Variants in LAMA2 observed in about 807,000 individuals in gnomAD.
LAMA2 encodes the protein laminin subunit alpha-2.
A neutral mutation model predicts 364.8 loss-of-function variants in LAMA2; 269 were observed. The observed-to-expected ratio is 0.74, with a 90% CI of 0.67 to 0.82. LAMA2 has a LOEUF of 0.82. Among genes scored for constraint, LAMA2 ranks in the 40% least tolerant of loss-of-function variants. The pLI is 0.00. For missense variants in LAMA2, 3,807 were observed against 3,873.2 expected, an observed-to-expected ratio of 0.98 and a Z score of 0.45; for synonymous variants, 1,379 against 1,370.6, an observed-to-expected ratio of 1.01 and a Z score of -0.14.
At chr6:129,439,188 C>T (rs552170686) in intron 42 of LAMA2, among the ~76,000 whole-genome samples, 26 of 151,868 alleles carry the variant, frequency 1.7e-4, no homozygotes, top group Non-Finnish European at 3.2e-4. Flanking sequence ...ATTTATAATA[C>T]CTAATATAAT....
chr6:129,185,803 G>T (rs1583209244), intron 10 of LAMA2, among the ~76,000 whole-genome samples: 1 of 151,558 alleles, frequency 6.6e-6, no homozygotes, highest in East Asian at 1.9e-4. Flanking sequence ...TATTTACAAT[G>T]GAAAAATGAC....
At chr6:129,173,567 C>A (rs1299607579) in intron 9 of LAMA2, among the ~76,000 whole-genome samples, 1 of 152,118 alleles carries the variant, frequency 6.6e-6, no homozygotes, top group Non-Finnish European at 1.5e-5. Context: ...ACATTCAGCT[C>A]TGGACCAATA....
chr6:129,491,640 G>A (rs910225207), intron 56 of LAMA2, among the ~76,000 whole-genome samples: 2 of 152,304 alleles, frequency 1.3e-5, no homozygotes, highest in South Asian at 2.1e-4. Flanking sequence ...GCTGCACAGC[G>A]CTGTTGTCAG....
At chr6:129,491,830 G>C in intron 56 of LAMA2, 71 bp from the exon 57 acceptor site, 1 of 1,278,184 alleles carries the variant, frequency 7.8e-7, no homozygotes, top group Non-Finnish European at 1.1e-6. Context: ...AGGGTGGCAG[G>C]AAAGAATTTG....
At chr6:129,256,741 A>T (rs1786698122) in intron 14 of LAMA2, among the ~76,000 whole-genome samples, 1 of 142,958 alleles carries the variant, frequency 7.0e-6, no homozygotes, top group African/African-American at 2.6e-5. Context: ...TGCTATATAT[A>T]TATAAAAAAC....
chr6:129,005,385 C>A (rs912525885), intron 1 of LAMA2, among the ~76,000 whole-genome samples: 1 of 151,834 alleles, frequency 6.6e-6, no homozygotes, highest in South Asian at 2.1e-4. Flanking sequence ...TAATATCTCA[C>A]CCTAGAAATT....
At chr6:129,177,523 G>T (rs568314778) in intron 9 of LAMA2, among the ~76,000 whole-genome samples, 183 bp from the exon 10 acceptor site, 1 of 152,044 alleles carries the variant, frequency 6.6e-6, no homozygotes, top group Admixed American at 6.6e-5. Flanking sequence ...CTATGTTCAC[G>T]TAATCATAGA....
intron 32 of LAMA2, among the ~76,000 whole-genome samples, chr6:129,358,253 A>G (rs552645723): frequency 2.3e-4 from 35 of 152,040 alleles, no homozygotes; most frequent in African/African-American, 8.4e-4. Context: ...CCGTGATTCT[A>G]GATGATTTTC....
chr6:129,421,377 G>T (rs1162169072), intron 40 of LAMA2, among the ~76,000 whole-genome samples: 1 of 150,418 alleles, frequency 6.6e-6, no homozygotes, highest in Non-Finnish European at 1.5e-5. Context: ...AGAATACCAA[G>T]AATTTATTGT....
chr6:128,898,583 T>C (rs983165651), intron 1 of LAMA2, among the ~76,000 whole-genome samples: 6 of 152,194 alleles, frequency 3.9e-5, no homozygotes, highest in Non-Finnish European at 7.4e-5. Flanking sequence ...CACAGCACTC[T>C]TTTTTTGCCT....
intron 1 of LAMA2, among the ~76,000 whole-genome samples, chr6:129,013,756 CA>C (rs1170641699): frequency 2.6e-5 from 4 of 151,838 alleles, no homozygotes; most frequent in Non-Finnish European, 5.9e-5. Context: ...AGCCAGTTCT[CA>C]TATAGAGAAT....
intron 1 of LAMA2, among the ~76,000 whole-genome samples, chr6:128,985,328 CT>C (rs1195800692): frequency 6.6e-6 from 1 of 152,104 alleles, no homozygotes; most frequent in African/African-American, 2.4e-5. Context: ...CTATTCAGTG[CT>C]TATGGCAAAA....
chr6:129,294,521 T>C (rs1789949944), intron 20 of LAMA2, among the ~76,000 whole-genome samples: 1 of 152,178 alleles, frequency 6.6e-6, no homozygotes, highest in African/African-American at 2.4e-5. Flanking sequence ...ATAAGTGCAG[T>C]GATCCCATTC....
At chr6:128,984,038 T>C (rs949560543) in intron 1 of LAMA2, among the ~76,000 whole-genome samples, 2 of 152,188 alleles carry the variant, frequency 1.3e-5, no homozygotes, top group Non-Finnish European at 2.9e-5. Context: ...TAAACATTGC[T>C]GAATTCACCA....
In LAMA2 at chr6:129,125,294, C is replaced by G. The variant is rs552714865; in HGVS notation, c.640-18607C>G. On this transcript the variant is annotated intron_variant, in intron 4 of 64. Transcript: ENST00000421865. ...ATGTCTATTAGACATTTTGGTGAAG[C>G]TGAATAGATAGTGTATAGTATTCTG... 7.2e-5 allele frequency among the ~76,000 whole-genome samples: 11 copies of G among 152,166 alleles called. No homozygotes were observed. The South Asian group carries it at 2.3e-3, about 32-fold the overall frequency.
intron 3 of LAMA2, among the ~76,000 whole-genome samples, chr6:129,091,772 C>T (rs1483392296): frequency 6.6e-6 from 1 of 152,154 alleles, no homozygotes; most frequent in Non-Finnish European, 1.5e-5. Flanking sequence ...AAAACTCACA[C>T]AGAAAATAAT....
At chr6:129,219,570 A>T (rs867575796) in intron 12 of LAMA2, among the ~76,000 whole-genome samples, 118 of 150,192 alleles carry the variant, frequency 7.9e-4, no homozygotes, top group African/African-American at 2.6e-3. Flanking sequence ...AAGACTTGGA[A>T]CCAACCCAAA....
chr6:129,358,228 G>C (rs998015090), intron 32 of LAMA2, among the ~76,000 whole-genome samples: 6 of 151,870 alleles, frequency 4.0e-5, no homozygotes, highest in African/African-American at 1.4e-4. Context: ...ACAATGTGTG[G>C]AATGGCAACT....
chr6:129,173,651 G>T (rs1216283329), intron 9 of LAMA2, among the ~76,000 whole-genome samples: 1 of 152,140 alleles, frequency 6.6e-6, no homozygotes, highest in African/African-American at 2.4e-5. Context: ...CATATTATTT[G>T]ATACAGGCTC....
Sources: gnomAD v4.1 joint callset for allele counts (sites outside exome capture counted in the v4.1 genomes callset) on GRCh38, gnomAD v4.1.1 for gene constraint, MANE v1.5 for transcripts, NCBI Gene and HGNC (gene_info 2026-07-23, HGNC 2026-07-21) for gene names.